The following BCKDHA variants were observed in gnomAD, a reference collection of about 807,000 sequenced individuals.
BCKDHA encodes 2-oxoisovalerate dehydrogenase subunit alpha, mitochondrial.
In BCKDHA, 43 loss-of-function variants were observed where a neutral mutation model predicts 52.2. The observed-to-expected ratio is 0.82, with a 90% confidence interval of 0.64 to 1.06. The LOEUF (loss-of-function observed/expected upper bound fraction) is 1.06. Ranked by LOEUF, BCKDHA falls within the 50% of genes least tolerant of loss-of-function variation. The pLI, the probability that BCKDHA is intolerant of heterozygous loss-of-function variation, is 0.00. For missense variants in BCKDHA, 527 were observed against 621.3 expected (o/e 0.85, Z 1.61); for synonymous variants, 234 against 247.9 (o/e 0.94, Z 0.53).
intron 1 of BCKDHA, 130 bp from the exon 2 acceptor site, chr19:41,410,507 G>A: frequency 1.0e-6 from 1 of 992,904 alleles, no homozygotes. Flanking sequence ...CAGACCCTGT[G>A]AGTCAGGCCC....
chr19:41,418,807 TG>T, intron 4 of BCKDHA: 1 of 450,638 alleles, frequency 2.2e-6, no homozygotes, highest in Non-Finnish European at 4.4e-6. Context: ...CTCAAAGTGC[TG>T]GGATTACAGG....
intron 4 of BCKDHA, chr19:41,418,884 T>C (rs2039334273): frequency 2.0e-6 from 1 of 505,892 alleles, no homozygotes; most frequent in South Asian, 2.0e-5. Context: ...GGTAATTGAA[T>C]TAGTTGAAAG....
At chr19:41,409,183 G>A in intron 1 of BCKDHA, among the ~76,000 whole-genome samples, 1 of 152,134 alleles carries the variant, frequency 6.6e-6, no homozygotes, top group East Asian at 1.9e-4. Flanking sequence ...CTCCCGAAGT[G>A]TTGGGATTAC....
intron 1 of BCKDHA, among the ~76,000 whole-genome samples, chr19:41,408,852 A>G (rs1294794912): frequency 6.6e-6 from 1 of 152,086 alleles, no homozygotes; most frequent in African/African-American, 2.4e-5. Flanking sequence ...CCTGGGCTCA[A>G]GTAATCCTTG....
intron 5 of BCKDHA, among the ~76,000 whole-genome samples, chr19:41,420,027 A>G (rs2039347724): frequency 6.6e-6 from 1 of 152,210 alleles, no homozygotes; most frequent in African/African-American, 2.4e-5. Context: ...TTGGCCTCTC[A>G]AAGTGCTGGG....
In BCKDHA at chr19:41,410,940, G is replaced by A. The variant is rs755966459; in HGVS notation, c.306G>A (p.Val102=). The A allele has an allele frequency of 6.2e-7, 1 of 1,614,128 alleles. No individual in the cohort carries two copies. The highest frequency in any genetic ancestry group is 2.2e-5 in the East Asian group (1 of 44,878). ...ACCCGCAGCTGCCGAAGGAGAAGGTGCTGAAGCTCTACAAGAGCATGACAC... is the reference window on the plus strand; with the variant it reads ...ACCCGCAGCTGCCGAAGGAGAAGGTACTGAAGCTCTACAAGAGCATGACAC... The part of the protein sequence containing the change: ...SEDPHLPKEK[V]LKLYKSMTLL... Residue 102 remains valine, a synonymous_variant, in exon 3 of 9, where the codon GTG becomes GTA. Transcript: ENST00000269980.
rs2039091468 is a variant in BCKDHA at position 41,397,822 on chromosome 19, G to A, written c.-6G>A. The A allele has an allele frequency of 6.2e-7, 1 of 1,613,952 alleles. No individual in the cohort carries two copies. On this transcript the variant is annotated 5_prime_UTR_variant, in exon 1 of 9. Transcript: ENST00000269980. Reference sequence around the variant, plus strand: ...GTGCCGGACCGCTGAGTGGTTGTTAGCCAAGATGGCGGTAGCGATCGCTGC... The same window carrying A: ...GTGCCGGACCGCTGAGTGGTTGTTAACCAAGATGGCGGTAGCGATCGCTGC...
chr19:41,404,835 T>G (rs1048619605), intron 1 of BCKDHA, among the ~76,000 whole-genome samples: 1 of 150,850 alleles, frequency 6.6e-6, no homozygotes, highest in African/African-American at 2.4e-5. Context: ...CTCCTGACCT[T>G]AAGTGATTCA....
intron 4 of BCKDHA, among the ~76,000 whole-genome samples, chr19:41,416,680 GA>G (rs1256834198): frequency 6.6e-6 from 1 of 152,180 alleles, no homozygotes; most frequent in Non-Finnish European, 1.5e-5. Flanking sequence ...AGCACTTCGG[GA>G]GGCTGAGGCG....
intron 1 of BCKDHA, 85 bp from the exon 2 acceptor site, chr19:41,410,552 G>A: frequency 1.3e-6 from 2 of 1,493,960 alleles, no homozygotes; most frequent in Non-Finnish European, 1.8e-6. Flanking sequence ...CAACCACCAT[G>A]CCGCCTGCCT....
chr19:41,419,236 G>A lies in BCKDHA; in HGVS notation c.586G>A (p.Gly196Ser), dbSNP rs1191782907. The change falls in exon 5 of 9, where the codon GGC becomes AGC. Residue 196 changes from glycine (G) to serine (S), a missense_variant. Gly to Ser is a moderately conservative substitution (Grantham distance 56). Coordinates refer to ENST00000269980, the MANE Select transcript of BCKDHA (RefSeq NM_000709.4). ...GGGGCGCCAGATGCCTGTCCACTAC[G>A]GCTGCAAGGAACGCCACTTCGTCAC... ...GKGRQMPVHY[G>S]CKERHFVTIS... 3.1e-6 allele frequency: 5 copies of A among 1,614,220 alleles called. No homozygotes were observed. The highest frequency in any genetic ancestry group is 3.3e-4 in the Middle Eastern group (2 of 6,062).
At chr19:41,422,476 G>A (rs1599961079) in intron 6 of BCKDHA, 106 bp downstream of exon 6, 1 of 1,573,252 alleles carries the variant, frequency 6.4e-7, no homozygotes, top group East Asian at 2.2e-5. Context: ...TTCTCGTCCT[G>A]TGTCCTGTGG....
chr19:41,402,120 A>G (rs2039145199), intron 1 of BCKDHA, among the ~76,000 whole-genome samples: 1 of 152,172 alleles, frequency 6.6e-6, no homozygotes, highest in African/African-American at 2.4e-5. Context: ...TTATAAAACC[A>G]TCAGATCTCG....
intron 1 of BCKDHA, among the ~76,000 whole-genome samples, chr19:41,408,621 C>CT (rs142941551): frequency 0.011 from 1,611 of 147,904 alleles, 37 homozygotes; most frequent in African/African-American, 0.037. Flanking sequence ...CCCCTCTGAG[C>CT]TTTTTTTTTT....
Position 41,414,053 on chromosome 19 carries a change from G to A in BCKDHA, c.380G>A (p.Arg127Gln), listed in dbSNP as rs778046117. 1.4e-5 allele frequency: 23 copies of A among 1,613,490 alleles called. No homozygotes were observed. The highest frequency in any genetic ancestry group is 8.8e-5 in the South Asian group (8 of 91,084). The change falls in exon 4 of 9, where the codon CGG (arginine) becomes CAG (glutamine). Residue 127 changes from arginine (R) to glutamine (Q), a missense_variant. By Grantham distance (43) the Arg-to-Gln change is conservative. Transcript: ENST00000269980. ...RILYESQRQGRISFYMTNYGE... is the reference protein window; with the variant it reads ...RILYESQRQGQISFYMTNYGE... ...CGGTCCCCTCTACACCCCCAGGGCC[G>A]GATCTCCTTCTACATGACCAACTAT...
chr19:41,416,689 G>A (rs1305993488), intron 4 of BCKDHA, among the ~76,000 whole-genome samples: 5 of 152,156 alleles, frequency 3.3e-5, no homozygotes, highest in Non-Finnish European at 7.3e-5. Context: ...GGAGGCTGAG[G>A]CGGGAGGATT....
intron 7 of BCKDHA, 111 bp from the exon 8 acceptor site, chr19:41,422,887 C>A: frequency 6.3e-7 from 1 of 1,581,770 alleles, no homozygotes; most frequent in East Asian, 2.3e-5. Context: ...GCATCTCCCC[C>A]TTGCCTTTAT....
At chr19:41,398,305 G>A (rs530917833) in intron 1 of BCKDHA, among the ~76,000 whole-genome samples, 2 of 152,280 alleles carry the variant, frequency 1.3e-5, no homozygotes, top group East Asian at 3.9e-4. Context: ...AACTGACTTT[G>A]TAAGGGAGGG....
chr19:41,423,134 CAGG>C lies in BCKDHA; in HGVS notation c.1135_1137del (p.Glu379del). The C allele has an allele frequency of 6.4e-7, 1 of 1,559,020 alleles. No homozygotes were observed. Among genetic ancestry groups the C allele is most frequent in the Non-Finnish European group, 8.7e-7 (1 of 1,151,474 alleles). ...GAGCCAAGGCTGGTGGGATGAGGAGCAGGAGAAGGCCTGGAGGAAGCAGTCCCG... is the reference window on the plus strand; with the variant it reads ...GAGCCAAGGCTGGTGGGATGAGGAGCAGAAGGCCTGGAGGAAGCAGTCCCG... On this transcript the variant is annotated inframe_deletion, in exon 8 of 9. Transcript: ENST00000269980.
Sources: allele counts gnomAD v4.1 joint callset (sites outside exome capture counted in the v4.1 genomes callset), GRCh38; gene constraint gnomAD v4.1.1; transcripts MANE v1.5; gene names NCBI Gene and HGNC (gene_info 2026-07-23, HGNC 2026-07-21).